The following RANBP17 variants were observed in gnomAD, a reference collection of about 807,000 sequenced individuals.
The protein encoded by RANBP17 is ran-binding protein 17.
In RANBP17, 158 loss-of-function variants were observed where a neutral mutation model predicts 141.2. That is an observed-to-expected ratio of 1.12 (90% CI 0.98 to 1.28). The LOEUF (loss-of-function observed/expected upper bound fraction) is 1.28. Ranked by LOEUF, RANBP17 falls within the 50% of genes most tolerant of loss-of-function variation. The pLI is 0.00. For synonymous variants in RANBP17, 430 were observed against 450.0 expected, an observed-to-expected ratio of 0.96 and a Z score of 0.56; for missense variants, 1,438 against 1,290.7, an observed-to-expected ratio of 1.11 and a Z score of -1.75.
intron 5 of RANBP17, chr5:170,896,350 A>G (rs891902008): frequency 1.9e-5 from 8 of 428,176 alleles, no homozygotes; most frequent in Non-Finnish European, 2.9e-5. Flanking sequence ...ACAGAGAATT[A>G]GACATGGTTC....
At chr5:171,241,613 G>T (rs1764884658) in intron 23 of RANBP17, among the ~76,000 whole-genome samples, 1 of 152,080 alleles carries the variant, frequency 6.6e-6, no homozygotes, top group South Asian at 2.1e-4. Context: ...ATCATTGAAG[G>T]ATATGTCTGT....
At chr5:170,958,027 C>A (rs1775863414) in intron 13 of RANBP17, among the ~76,000 whole-genome samples, 1 of 152,114 alleles carries the variant, frequency 6.6e-6, no homozygotes, top group African/African-American at 2.4e-5. Flanking sequence ...TGAGAACCAA[C>A]TATGTAAGGT....
chr5:171,024,239 G>A (rs566460930), intron 14 of RANBP17, among the ~76,000 whole-genome samples: 1 of 152,100 alleles, frequency 6.6e-6, no homozygotes, highest in African/African-American at 2.4e-5. Flanking sequence ...GAGTAATGGG[G>A]GAAAGAGTAT....
intron 14 of RANBP17, among the ~76,000 whole-genome samples, chr5:171,018,718 T>G (rs1780626041): frequency 6.6e-6 from 1 of 152,204 alleles, no homozygotes; most frequent in Admixed American, 6.5e-5. Context: ...ACAATTTGAC[T>G]TCCTTTCTTC....
In RANBP17 at chr5:170,978,796, A is replaced by G. The variant is rs189186576; in HGVS notation, c.1710+10419A>G. On this transcript the variant is annotated intron_variant, in intron 14 of 27. Transcript: ENST00000523189. The stretch of plus-strand genomic sequence containing the variant: ...TGATGGGGCTTAAATGAGTGTATAC[A>G]TATATAAAGACACTGAGCTCATATT... Among the ~76,000 whole-genome samples the G allele has an allele frequency of 1.2e-3, 110 of 90,532 alleles. 1 individual carries two copies. The highest frequency in any genetic ancestry group is 2.6e-3 in the Non-Finnish European group (95 of 36,066). The allele number at this position is 90,532 out of a possible 152,430, so 59.4% of individuals were successfully genotyped here.
At chr5:171,167,482 T>C (rs1000828439) in intron 14 of RANBP17, among the ~76,000 whole-genome samples, 1 of 151,984 alleles carries the variant, frequency 6.6e-6, no homozygotes, top group African/African-American at 2.4e-5. Context: ...AATAAGTAAT[T>C]TGAGATAATG....
chr5:170,964,042 C>T (rs941106027), intron 13 of RANBP17, among the ~76,000 whole-genome samples: 2 of 151,980 alleles, frequency 1.3e-5, no homozygotes, highest in African/African-American at 2.4e-5. Context: ...ACCGAGATGC[C>T]GTTTTTCAAC....
At chr5:171,257,382 A>G (rs939443874) in intron 24 of RANBP17, among the ~76,000 whole-genome samples, 9 of 152,210 alleles carry the variant, frequency 5.9e-5, no homozygotes, top group African/African-American at 2.2e-4. Flanking sequence ...AAAAACCCTC[A>G]ACAAACTAGG....
chr5:170,971,831 A>C (rs1410787262), intron 14 of RANBP17, among the ~76,000 whole-genome samples: 2 of 151,654 alleles, frequency 1.3e-5, no homozygotes, highest in East Asian at 1.9e-4. Context: ...CTTTGTTTCC[A>C]TTTTGCTTCT....
At chr5:171,120,815 A>G (rs1389205822) in intron 14 of RANBP17, among the ~76,000 whole-genome samples, 2 of 152,162 alleles carry the variant, frequency 1.3e-5, no homozygotes, top group Non-Finnish European at 2.9e-5. Flanking sequence ...TGATTTCTAT[A>G]CATCTGGTTT....
At chr5:171,246,677 CAT>C (rs1765234340) in intron 24 of RANBP17, among the ~76,000 whole-genome samples, 1 of 152,198 alleles carries the variant, frequency 6.6e-6, no homozygotes, top group Non-Finnish European at 1.5e-5. Context: ...TTATTTTCAA[CAT>C]GTGATCTTGT....
intron 12 of RANBP17, among the ~76,000 whole-genome samples, chr5:170,934,310 T>G (rs1384319772): frequency 6.6e-6 from 1 of 152,242 alleles, no homozygotes; most frequent in Non-Finnish European, 1.5e-5. Context: ...TGTGTGTCTC[T>G]GCACATGAGA....
intron 14 of RANBP17, among the ~76,000 whole-genome samples, chr5:170,986,706 T>C (rs897547254): frequency 6.6e-6 from 1 of 151,954 alleles, no homozygotes; most frequent in African/African-American, 2.4e-5. Flanking sequence ...TCTGTGTATA[T>C]GGATTTCTAA....
At position 171,135,469 on chromosome 5, in the gene RANBP17, C is replaced by T. The variant is rs948395902; in HGVS notation, c.1711-34661C>T. ...TAACTGGAGCACTTTGGTACCTGAA[C>T]CTATGGGAATATTTTCAGTATGGAA... On this transcript the variant is annotated intron_variant, in intron 14 of 27. Coordinates refer to ENST00000523189, the MANE Select transcript of RANBP17 (RefSeq NM_022897.5). Among the ~76,000 whole-genome samples, 3 of 151,806 alleles carry T rather than the reference C, an allele frequency of 2.0e-5. No homozygotes were observed. The East Asian group carries it at 5.8e-4, about 29-fold the overall frequency.
intron 14 of RANBP17, among the ~76,000 whole-genome samples, chr5:171,139,207 G>T (rs192278899): frequency 3.9e-4 from 59 of 152,180 alleles, no homozygotes; most frequent in African/African-American, 1.4e-3. Context: ...AGCCCCACCC[G>T]CTTTTCGGGT....
chr5:170,997,151 G>A (rs1339828093), intron 14 of RANBP17, among the ~76,000 whole-genome samples: 2 of 152,032 alleles, frequency 1.3e-5, no homozygotes, highest in Non-Finnish European at 2.9e-5. Context: ...CCCTCCTGCC[G>A]CCTTGTGAAG....
intron 12 of RANBP17, among the ~76,000 whole-genome samples, chr5:170,930,967 A>G (rs1225547691): frequency 6.6e-6 from 1 of 152,142 alleles, no homozygotes; most frequent in African/African-American, 2.4e-5. Flanking sequence ...CTAGTTCTAG[A>G]TCCTTGAGGA....
chr5:171,125,442 A>G (rs1221501558), intron 14 of RANBP17, among the ~76,000 whole-genome samples: 1 of 152,166 alleles, frequency 6.6e-6, no homozygotes, highest in Non-Finnish European at 1.5e-5. Context: ...ATAAAATGAT[A>G]AAGAGATGAG....
chr5:171,202,475 A>G (rs915437355), intron 19 of RANBP17, among the ~76,000 whole-genome samples: 1 of 152,198 alleles, frequency 6.6e-6, no homozygotes. Context: ...AAACTCCACA[A>G]TGTTAAATTA....
Sources: allele counts gnomAD v4.1 joint callset (sites outside exome capture counted in the v4.1 genomes callset), GRCh38; gene constraint gnomAD v4.1.1; transcripts MANE v1.5; gene names NCBI Gene and HGNC (gene_info 2026-07-23, HGNC 2026-07-21).